RAC1: variants seen among roughly 807,000 people sequenced by gnomAD.
RAC1 encodes ras-related C3 botulinum toxin substrate 1.
A neutral mutation model predicts 25.2 loss-of-function variants in RAC1; 2 were observed. That is an observed-to-expected ratio of 0.08 (90% CI 0.03 to 0.25). The LOEUF (loss-of-function observed/expected upper bound fraction) is 0.25. Among genes scored for constraint, RAC1 ranks in the 10% least tolerant of loss-of-function variants. RAC1 has a pLI of 1.00. For synonymous variants in RAC1, 88 were observed against 94.0 expected, an observed-to-expected ratio of 0.94 and a Z score of 0.37; for missense variants, 50 against 235.7, an observed-to-expected ratio of 0.21 and a Z score of 5.16.
intron 4 of RAC1, among the ~76,000 whole-genome samples, chr7:6,400,919 C>T (rs1160733115): frequency 1.3e-5 from 2 of 152,032 alleles, no homozygotes; most frequent in South Asian, 2.1e-4. Context: ...AGGTGATCCG[C>T]GCGTCTCGGC....
At chr7:6,391,383 C>G (rs1465567048) in intron 2 of RAC1, 1 of 153,554 alleles carries the variant, frequency 6.5e-6, no homozygotes, top group Non-Finnish European at 1.4e-5. Flanking sequence ...TGTGTAGCAA[C>G]TTCACATGAA....
intron 3 of RAC1, among the ~76,000 whole-genome samples, chr7:6,394,432 C>T (rs1489618282): frequency 1.3e-5 from 2 of 152,154 alleles, no homozygotes; most frequent in Non-Finnish European, 2.9e-5. Flanking sequence ...CAGAGTAACG[C>T]TCAAGTCCAG....
intron 2 of RAC1, among the ~76,000 whole-genome samples, 184 bp from the exon 3 acceptor site, chr7:6,391,740 T>G (rs1247079113): frequency 1.3e-5 from 2 of 152,168 alleles, no homozygotes; most frequent in African/African-American, 4.8e-5. Context: ...TTGGGTTGGG[T>G]TTGGTTTGTT....
Position 6,392,938 on chromosome 7 carries a change from A to G in RAC1, c.225+897A>G, listed in dbSNP as rs1783129137. 2.0e-5 allele frequency among the ~76,000 whole-genome samples: 3 copies of G among 152,168 alleles called. No individual in the cohort carries two copies. The South Asian group carries it at 6.2e-4, about 32-fold the overall frequency. ...GCACGCATAACAGTCCTGGGCACAT[A>G]GCACACACTGTGGGGCCAGCCGCTG... On this transcript the variant is annotated intron_variant, in intron 3 of 5. Transcript: ENST00000348035.
At chr7:6,377,179 G>A (rs1010568837) in intron 1 of RAC1, among the ~76,000 whole-genome samples, 1 of 151,010 alleles carries the variant, frequency 6.6e-6, no homozygotes, top group Non-Finnish European at 1.5e-5. Context: ...TTAAAAGTCT[G>A]TGGCCTTGAG....
At chr7:6,393,482 C>T (rs1162533779) in intron 3 of RAC1, among the ~76,000 whole-genome samples, 1 of 152,046 alleles carries the variant, frequency 6.6e-6, no homozygotes, top group Non-Finnish European at 1.5e-5. Context: ...CTAAGGAAGG[C>T]CTCACAGTAA....
At chr7:6,384,115 A>C (rs933339380) in intron 1 of RAC1, among the ~76,000 whole-genome samples, 1 of 151,934 alleles carries the variant, frequency 6.6e-6, no homozygotes, top group African/African-American at 2.4e-5. Flanking sequence ...ATTTTTAAAA[A>C]GGTCCCTTAG....
intron 1 of RAC1, among the ~76,000 whole-genome samples, chr7:6,376,074 G>A (rs550803217): frequency 6.6e-6 from 1 of 151,060 alleles, no homozygotes; most frequent in East Asian, 2.0e-4. Context: ...TTGCAATTCA[G>A]ATGCAAGAAG....
chr7:6,392,104 A>G (rs563597228), intron 3 of RAC1, 63 bp downstream of exon 3: 2 of 1,606,880 alleles, frequency 1.2e-6, no homozygotes, highest in East Asian at 4.5e-5. Context: ...GCGCTTAATT[A>G]GTGCATGTTA....
chr7:6,378,428 C>T (rs1330154015), intron 1 of RAC1, among the ~76,000 whole-genome samples: 2 of 151,902 alleles, frequency 1.3e-5, no homozygotes, highest in East Asian at 1.9e-4. Context: ...CGCCTGTAAT[C>T]CCAGCTACTC....
At chr7:6,376,323 C>T (rs1782592217) in intron 1 of RAC1, among the ~76,000 whole-genome samples, 1 of 151,052 alleles carries the variant, frequency 6.6e-6, no homozygotes, top group African/African-American at 2.4e-5. Context: ...GCTGGGATTA[C>T]AGGCACGCGC....
chr7:6,398,935 C>T (rs1783322175), intron 3 of RAC1, among the ~76,000 whole-genome samples: 1 of 152,214 alleles, frequency 6.6e-6, no homozygotes, highest in Non-Finnish European at 1.5e-5. Context: ...GTGATCTTCT[C>T]CTCCCAAGTG....
chr7:6,398,538 T>C (rs899295646), intron 3 of RAC1: 10 of 742,638 alleles, frequency 1.3e-5, no homozygotes, highest in Non-Finnish European at 2.3e-5. Flanking sequence ...GAATCTATTG[T>C]ATGCTTTTGG....
At chr7:6,398,642 A>G in intron 3 of RAC1, 1 of 1,611,304 alleles carries the variant, frequency 6.2e-7, no homozygotes. Flanking sequence ...AACTCAAACC[A>G]AGTTCTCATG....
At chr7:6,385,544 A>G (rs1015291333) in intron 1 of RAC1, among the ~76,000 whole-genome samples, 5 of 152,212 alleles carry the variant, frequency 3.3e-5, no homozygotes, top group African/African-American at 1.2e-4. Context: ...AACGAAATGT[A>G]TGTCCAATGA....
intron 1 of RAC1, among the ~76,000 whole-genome samples, chr7:6,380,721 C>T (rs1041921528): frequency 7.9e-5 from 12 of 152,298 alleles, no homozygotes; most frequent in East Asian, 3.8e-4. Context: ...ATTGTACAGT[C>T]AACATGCACA....
intron 4 of RAC1, 171 bp from the exon 5 acceptor site, chr7:6,401,697 G>T (rs1783407568): frequency 1.7e-6 from 1 of 590,850 alleles, no homozygotes; most frequent in Non-Finnish European, 2.9e-6. Flanking sequence ...CACCTGAGAT[G>T]TTCCTTATGG....
intron 1 of RAC1, among the ~76,000 whole-genome samples, chr7:6,383,968 G>T (rs1314595360): frequency 6.6e-6 from 1 of 151,226 alleles, no homozygotes; most frequent in Non-Finnish European, 1.5e-5. Context: ...GGCTAATTTT[G>T]TATTTTTAGT....
Position 6,382,289 on chromosome 7 carries a change from C to G in RAC1, c.36-4923C>G, listed in dbSNP as rs377165437. ...ACAGGGAAGAGCCACTGCGCCTGGC[C>G]AAGATCTACTCACTTTTAGACAGCA... On this transcript the variant is annotated intron_variant, in intron 1 of 5. Transcript: ENST00000348035. Among the ~76,000 whole-genome samples, 157 of 152,270 alleles carry G rather than the reference C, an allele frequency of 1.0e-3. 2 individuals carry two copies. The highest frequency in any genetic ancestry group is 6.8e-3 in the Middle Eastern group (2 of 294).
Sources: gnomAD v4.1 joint callset for allele counts (sites outside exome capture counted in the v4.1 genomes callset) on GRCh38, gnomAD v4.1.1 for gene constraint, MANE v1.5 for transcripts, NCBI Gene and HGNC (gene_info 2026-07-23, HGNC 2026-07-21) for gene names.